The following GALNT18 variants were observed in gnomAD, a reference collection of about 807,000 sequenced individuals.
The protein encoded by GALNT18 is polypeptide N-acetylgalactosaminyltransferase 18.
Under a neutral mutation model 69.5 loss-of-function variants are expected in GALNT18, and 44 were observed. That is an observed-to-expected ratio of 0.63 (90% CI 0.50 to 0.81). The LOEUF (loss-of-function observed/expected upper bound fraction) is 0.81, where lower values mean the gene tolerates loss of function less well. Ranked by LOEUF, GALNT18 falls within the 40% of genes least tolerant of loss-of-function variation. The pLI, the probability that GALNT18 is intolerant of heterozygous loss-of-function variation, is 0.00. For synonymous variants in GALNT18, 364 were observed against 318.2 expected (o/e 1.14, Z -1.53); for missense variants, 715 against 810.0 (o/e 0.88, Z 1.42).
In GALNT18 at chr11:11,549,503, T is replaced by A. The variant is rs1858140865; in HGVS notation, c.235+71856A>T. Among the ~76,000 whole-genome samples the A allele has an allele frequency of 3.3e-5, 5 of 152,160 alleles. No individual in the cohort carries two copies. The South Asian group carries it at 8.3e-4, about 25-fold the overall frequency. On this transcript the variant is annotated intron_variant, in intron 1 of 10. Coordinates refer to ENST00000227756, the MANE Select transcript of GALNT18 (RefSeq NM_198516.3). Reference sequence around the variant, plus strand: ...GGGCCTCTTTAAGGGGCTTCTTCCATCCAAATGGAATAATTGGCCCCAGTC... The same window carrying A: ...GGGCCTCTTTAAGGGGCTTCTTCCAACCAAATGGAATAATTGGCCCCAGTC...
At chr11:11,484,856 G>A (rs886669541) in intron 1 of GALNT18, among the ~76,000 whole-genome samples, 3 of 152,206 alleles carry the variant, frequency 2.0e-5, no homozygotes, top group Non-Finnish European at 4.4e-5. Context: ...CCACAAATCA[G>A]TGCACTGAGA....
chr11:11,519,336 G>GA (rs1329513582), intron 1 of GALNT18, among the ~76,000 whole-genome samples: 2 of 152,220 alleles, frequency 1.3e-5, no homozygotes, highest in African/African-American at 4.8e-5. Context: ...CATTAGGCCT[G>GA]AAGGGGTCAA....
At chr11:11,493,154 G>A (rs562516834) in intron 1 of GALNT18, among the ~76,000 whole-genome samples, 4 of 151,170 alleles carry the variant, frequency 2.6e-5, no homozygotes, top group African/African-American at 7.3e-5. Flanking sequence ...CCAGCTACTC[G>A]GAAGGCTGAG....
chr11:11,573,390 C>G lies in GALNT18; in HGVS notation c.235+47969G>C, dbSNP rs1470269723. On this transcript the variant is annotated intron_variant, in intron 1 of 10. Transcript: ENST00000227756. This position sits in a 1 kb window ranked among gnomAD's most constrained non-coding sequence, Gnocchi z 4.6. ...CTTACACTAAGGTACATGTGCCCAC[C>G]TAAGTATCAGCCAAGCCAAGGAGAA... The G allele has an allele frequency of 6.6e-6, 1 of 152,220 alleles. No homozygotes were observed. Among genetic ancestry groups the G allele is most frequent in the African/African-American group, 2.4e-5 (1 of 41,454 alleles). 9.4% of individuals were successfully genotyped at this position (152,220 alleles called of 1,614,324 possible).
chr11:11,578,044 C>G (rs773156676), intron 1 of GALNT18, among the ~76,000 whole-genome samples: 3 of 152,132 alleles, frequency 2.0e-5, no homozygotes, highest in Non-Finnish European at 4.4e-5. Context: ...TCCAGAACTG[C>G]GAGAGGGAAT....
In GALNT18 at chr11:11,309,067, T is replaced by C. The variant is rs988791472; in HGVS notation, c.1513-15874A>G. 6.6e-6 allele frequency among the ~76,000 whole-genome samples: 1 copy of C among 152,248 alleles called. No individual in the cohort carries two copies. Among genetic ancestry groups the C allele is most frequent in the South Asian group, 2.1e-4 (1 of 4,828 alleles). On this transcript the variant is annotated intron_variant, in intron 9 of 10. Coordinates refer to ENST00000227756, the MANE Select transcript of GALNT18 (RefSeq NM_198516.3). This position sits in a 1 kb window ranked among gnomAD's most constrained non-coding sequence, Gnocchi z 4.6. Reference sequence around the variant, plus strand: ...GGTGGTGCTGGGAGGTAGGGCCTAATGGAAGGTGTTTGGATCACTGGAGCA... The same window carrying C: ...GGTGGTGCTGGGAGGTAGGGCCTAACGGAAGGTGTTTGGATCACTGGAGCA...
chr11:11,310,720 G>T (rs1849658314), intron 9 of GALNT18, among the ~76,000 whole-genome samples: 1 of 152,124 alleles, frequency 6.6e-6, no homozygotes, highest in Non-Finnish European at 1.5e-5. Flanking sequence ...TAACCTCAAG[G>T]ACTCCACCAA....
intron 2 of GALNT18, among the ~76,000 whole-genome samples, chr11:11,443,587 T>C (rs958579935): frequency 6.7e-6 from 1 of 149,780 alleles, no homozygotes; most frequent in Non-Finnish European, 1.5e-5. Context: ...GAGAGAGCCA[T>C]AGGACATCTG....
At chr11:11,514,811 G>A (rs1857239188) in intron 1 of GALNT18, among the ~76,000 whole-genome samples, 1 of 152,166 alleles carries the variant, frequency 6.6e-6, no homozygotes, top group African/African-American at 2.4e-5. Flanking sequence ...GCAGGCTGGA[G>A]CCCAGAGCCT....
rs1214328551 is a variant in GALNT18 at position 11,497,338 on chromosome 11, A to G, written c.236-48402T>C. On this transcript the variant is annotated intron_variant, in intron 1 of 10. Coordinates refer to ENST00000227756, the MANE Select transcript of GALNT18 (RefSeq NM_198516.3). The surrounding 1 kb of genome is among the most constrained non-coding windows in gnomAD (Gnocchi z 4.2). ...TACCTCCTGTCTCCAACACACACAC[A>G]CACACACACACACACACACACACAC... Among the ~76,000 whole-genome samples, 1 of 148,848 alleles carries G rather than the reference A, an allele frequency of 6.7e-6. No homozygotes were observed. The highest frequency in any genetic ancestry group is 1.5e-5 in the Non-Finnish European group (1 of 66,926).
At chr11:11,510,115 C>G (rs115797155) in intron 1 of GALNT18, among the ~76,000 whole-genome samples, 119 of 152,298 alleles carry the variant, frequency 7.8e-4, no homozygotes, top group African/African-American at 2.5e-3. Context: ...CAAGGGAAGA[C>G]TCAGCTGCAG....
chr11:11,574,229 C>T (rs1271272159), intron 1 of GALNT18, among the ~76,000 whole-genome samples: 1 of 152,040 alleles, frequency 6.6e-6, no homozygotes, highest in Non-Finnish European at 1.5e-5. Flanking sequence ...CTAGGTCAGA[C>T]CCAAAAAACT....
chr11:11,307,791 A>T (rs950932463), intron 9 of GALNT18, among the ~76,000 whole-genome samples: 2 of 152,322 alleles, frequency 1.3e-5, no homozygotes, highest in South Asian at 2.1e-4. Context: ...CTTCATGGTA[A>T]CTGGGATGCT....
chr11:11,354,148 A>T (rs1440115697), intron 6 of GALNT18, among the ~76,000 whole-genome samples: 1 of 152,226 alleles, frequency 6.6e-6, no homozygotes, highest in Non-Finnish European at 1.5e-5. Context: ...CATCAGAATG[A>T]ATCGTCAGCA....
Position 11,616,024 on chromosome 11 carries a change from G to A in GALNT18, c.235+5335C>T, listed in dbSNP as rs1168232973. Among the ~76,000 whole-genome samples, 1 of 151,086 alleles carries A rather than the reference G, an allele frequency of 6.6e-6. No homozygotes were observed. Among genetic ancestry groups the A allele is most frequent in the Non-Finnish European group, 1.5e-5 (1 of 67,956 alleles). On this transcript the variant is annotated intron_variant, in intron 1 of 10. Coordinates refer to ENST00000227756, the MANE Select transcript of GALNT18 (RefSeq NM_198516.3). The surrounding 1 kb of genome is among the most constrained non-coding windows in gnomAD (Gnocchi z 4.4). The stretch of plus-strand genomic sequence containing the variant: ...TTCTTCTTTTTTTCTTTGTAGAGAT[G>A]GGGGTCTCACCATGTTGTCCAGGTT...
intron 3 of GALNT18, among the ~76,000 whole-genome samples, chr11:11,405,969 G>A (rs74597534): frequency 0.14 from 21,496 of 152,144 alleles, 1,535 homozygotes; most frequent in East Asian, 0.23. Flanking sequence ...GCAAGGTGTC[G>A]GCAGTCCTGC....
At chr11:11,501,320 G>T (rs1386089342) in intron 1 of GALNT18, among the ~76,000 whole-genome samples, 1 of 152,202 alleles carries the variant, frequency 6.6e-6, no homozygotes, top group African/African-American at 2.4e-5. Context: ...ACATCGATGG[G>T]AATGAATAAG....
At chr11:11,611,548 G>A (rs1178908387) in intron 1 of GALNT18, among the ~76,000 whole-genome samples, 1 of 152,208 alleles carries the variant, frequency 6.6e-6, no homozygotes, top group African/African-American at 2.4e-5. Context: ...TCACCACTGT[G>A]AGAAGCCTCA....
intron 1 of GALNT18, among the ~76,000 whole-genome samples, chr11:11,512,070 T>G (rs1217516230): frequency 6.6e-6 from 1 of 152,210 alleles, no homozygotes; most frequent in African/African-American, 2.4e-5. Context: ...CCCATAATTT[T>G]TACACATTCA....
Sources: gnomAD v4.1 joint callset for allele counts (sites outside exome capture counted in the v4.1 genomes callset) on GRCh38, gnomAD v4.1.1 for gene constraint, Gnocchi (gnomAD v3.1) non-coding constraint, MANE v1.5 for transcripts, NCBI Gene and HGNC (gene_info 2026-07-23, HGNC 2026-07-21) for gene names.